The following RPH3AL variants were observed in gnomAD, a reference collection of about 807,000 sequenced individuals.
RPH3AL encodes rab effector Noc2.
Under a neutral mutation model 43.1 loss-of-function variants are expected in RPH3AL, and 38 were observed. The observed-to-expected ratio is 0.88, with a 90% confidence interval of 0.68 to 1.15. The LOEUF (loss-of-function observed/expected upper bound fraction) is 1.15, where lower values mean the gene tolerates loss of function less well. RPH3AL is among the 50% of genes most tolerant of loss of function. The pLI is 0.00. For missense variants in RPH3AL, 462 were observed against 423.2 expected (o/e 1.09, Z -0.81); for synonymous variants, 189 against 176.3 (o/e 1.07, Z -0.57).
At position 229,744 on chromosome 17, in the gene RPH3AL, A is replaced by T. The variant is rs80161068; in HGVS notation, c.614-10008T>A. On this transcript the variant is annotated intron_variant, in intron 7 of 9. Transcript: ENST00000331302. ...CCCGGTTCACACAGCCTGCTCTTCC[A>T]AACCCACCTCCGGGCCAGGGTGCAG... Among the ~76,000 whole-genome samples, 267 of 151,982 alleles carry T rather than the reference A, an allele frequency of 1.8e-3. 1 individual carries two copies. Among genetic ancestry groups the T allele is most frequent in the Middle Eastern group, 0.01 (3 of 294 alleles).
chr17:316,716 G>A (rs1271948932), intron 5 of RPH3AL, among the ~76,000 whole-genome samples: 2 of 146,606 alleles, frequency 1.4e-5, no homozygotes, highest in African/African-American at 5.2e-5. Flanking sequence ...TGTAGTCTCT[G>A]TGCCCCACCT....
At chr17:222,052 C>G (rs371337730) in intron 7 of RPH3AL, among the ~76,000 whole-genome samples, 2 of 150,714 alleles carry the variant, frequency 1.3e-5, no homozygotes, top group African/African-American at 2.4e-5. Context: ...CCTCCACTCA[C>G]TGAGACAATA....
At chr17:282,357 C>T (rs143503475) in intron 5 of RPH3AL, among the ~76,000 whole-genome samples, 54 of 152,310 alleles carry the variant, frequency 3.5e-4, no homozygotes, top group Middle Eastern at 3.4e-3. Flanking sequence ...GTGACAGTTA[C>T]GTAAACTTTG....
intron 1 of RPH3AL, among the ~76,000 whole-genome samples, chr17:343,787 C>G (rs1479915450): frequency 6.6e-6 from 1 of 152,118 alleles, no homozygotes; most frequent in Non-Finnish European, 1.5e-5. Context: ...CAAAACAGCC[C>G]CCATGACAGA....
intron 5 of RPH3AL, chr17:306,746 C>T (rs1316035565): frequency 6.5e-6 from 1 of 153,618 alleles, no homozygotes; most frequent in African/African-American, 2.4e-5. Flanking sequence ...GCGCCCGGCA[C>T]ACAGAGTCCT....
At chr17:229,387 C>T (rs1374907925) in intron 7 of RPH3AL, among the ~76,000 whole-genome samples, 1 of 152,202 alleles carries the variant, frequency 6.6e-6, no homozygotes, top group Non-Finnish European at 1.5e-5. Context: ...AAAATGCTCC[C>T]CAGGACAGGA....
chr17:345,442 G>A lies in RPH3AL; in HGVS notation c.-213+7270C>T, dbSNP rs751778454. Among the ~76,000 whole-genome samples, 19 of 135,060 alleles carry A rather than the reference G, an allele frequency of 1.4e-4. 1 individual carries two copies. The highest frequency in any genetic ancestry group is 2.8e-4 in the Admixed American group (4 of 14,098). 88.6% of individuals were successfully genotyped at this position (135,060 alleles called of 152,430 possible). A position where few individuals can be genotyped will look rare whatever the true frequency, so the allele number is the denominator to read the frequency against. The stretch of plus-strand genomic sequence containing the variant: ...AGGAACTTCCTCAAACAAAACCACC[G>A]GGGGGTTCATCCTCAGAGAAGCTGG... On this transcript the variant is annotated intron_variant, in intron 1 of 9. Transcript: ENST00000331302.
At chr17:281,666 C>A in intron 6 of RPH3AL, 102 bp downstream of exon 6, 1 of 539,630 alleles carries the variant, frequency 1.9e-6, no homozygotes, top group Non-Finnish European at 3.5e-6. Context: ...CGTATCCAGC[C>A]CGCCCAGCCC....
intron 6 of RPH3AL, among the ~76,000 whole-genome samples, chr17:260,176 G>C (rs1555545818): frequency 6.6e-6 from 1 of 152,220 alleles, no homozygotes; most frequent in African/African-American, 2.4e-5. Flanking sequence ...TGCACCTGCT[G>C]TTCCTTCCCC....
Position 213,907 on chromosome 17 carries a change from C to T in RPH3AL, c.893G>A (p.Gly298Glu). 2 of 1,613,376 alleles carry T rather than the reference C, an allele frequency of 1.2e-6. No individual in the cohort carries two copies. Among genetic ancestry groups the T allele is most frequent in the Non-Finnish European group, 1.7e-6 (2 of 1,179,862 alleles). The stretch of plus-strand genomic sequence containing the variant: ...AGCTGCGTCAGCAGCGGGGGCTCGT[C>T]CAGGTGTGTCTTTTACCTTTGGATG... ...TRRAPVKDTP[G>E]RAPAADAAPA... The change falls in exon 10 of 10, where the codon GGA becomes GAA. Residue 298 changes from glycine (G) to glutamate (E), a missense_variant. Physicochemically the swap from Gly to Glu is moderately conservative, Grantham distance 98. Coordinates refer to ENST00000331302, the MANE Select transcript of RPH3AL (RefSeq NM_006987.4).
At chr17:237,741 A>G (rs1181023463) in intron 7 of RPH3AL, among the ~76,000 whole-genome samples, 2 of 152,352 alleles carry the variant, frequency 1.3e-5, no homozygotes, top group African/African-American at 4.8e-5. Context: ...CGAGGTCCAC[A>G]TGGTAAAACT....
chr17:297,792 C>CA (rs1227728847), intron 5 of RPH3AL, among the ~76,000 whole-genome samples: 1 of 152,178 alleles, frequency 6.6e-6, no homozygotes, highest in Non-Finnish European at 1.5e-5. Context: ...TGGTGAAGAG[C>CA]AAGGTTGGTC....
intron 5 of RPH3AL, among the ~76,000 whole-genome samples, chr17:306,126 G>A (rs943684316): frequency 4.0e-5 from 6 of 150,230 alleles, no homozygotes; most frequent in Non-Finnish European, 5.9e-5. Flanking sequence ...CTCCCAAAGT[G>A]CTAGGATTAC....
At chr17:229,907 G>A (rs913388403) in intron 7 of RPH3AL, among the ~76,000 whole-genome samples, 8 of 152,188 alleles carry the variant, frequency 5.3e-5, no homozygotes, top group African/African-American at 1.9e-4. Flanking sequence ...AAGCAGCTCA[G>A]AGCCTGCCCC....
chr17:350,046 G>T (rs540807764), intron 1 of RPH3AL, among the ~76,000 whole-genome samples: 160 of 152,308 alleles, frequency 1.1e-3, no homozygotes, highest in Non-Finnish European at 1.8e-3. Context: ...CAGAGGTGTA[G>T]GTTTGCAATT....
intron 5 of RPH3AL, among the ~76,000 whole-genome samples, chr17:302,118 A>C (rs1460209516): frequency 6.6e-6 from 1 of 152,174 alleles, no homozygotes; most frequent in Non-Finnish European, 1.5e-5. Context: ...CAGAGGCGAG[A>C]GCTTCGGCTC....
intron 5 of RPH3AL, among the ~76,000 whole-genome samples, chr17:286,030 C>T (rs1457741834): frequency 6.6e-6 from 1 of 152,184 alleles, no homozygotes; most frequent in Non-Finnish European, 1.5e-5. Context: ...ACACTTGCTC[C>T]GATGTCCCCC....
intron 6 of RPH3AL, among the ~76,000 whole-genome samples, chr17:268,724 G>T (rs1469611294): frequency 2.0e-5 from 3 of 151,090 alleles, no homozygotes; most frequent in African/African-American, 7.3e-5. Flanking sequence ...CACTACACCA[G>T]GCTAATTTTT....
intron 6 of RPH3AL, among the ~76,000 whole-genome samples, chr17:270,481 G>A (rs1371697609): frequency 2.0e-5 from 3 of 152,176 alleles, no homozygotes; most frequent in Non-Finnish European, 4.4e-5. Context: ...GGCCCAGACT[G>A]AGGAAGAGTC....
Sources: allele counts gnomAD v4.1 joint callset (sites outside exome capture counted in the v4.1 genomes callset), GRCh38; gene constraint gnomAD v4.1.1; transcripts MANE v1.5; gene names NCBI Gene and HGNC (gene_info 2026-07-23, HGNC 2026-07-21).